Variants in PCSK2 observed in about 807,000 individuals in gnomAD.
PCSK2 encodes neuroendocrine convertase 2.
In PCSK2, 14 loss-of-function variants were observed where a neutral mutation model predicts 69.7. That is an observed-to-expected ratio of 0.20 (90% confidence interval 0.13 to 0.31). The LOEUF is 0.31. PCSK2 is among the 10% of genes least tolerant of loss of function. PCSK2 has a pLI of 1.00. For synonymous variants in PCSK2, 307 were observed against 320.7 expected (o/e 0.96, Z 0.46); for missense variants, 544 against 842.5 (o/e 0.65, Z 4.39).
intron 2 of PCSK2, among the ~76,000 whole-genome samples, chr20:17,277,024 C>T (rs1386013438): frequency 6.6e-6 from 1 of 151,974 alleles, no homozygotes; most frequent in Non-Finnish European, 1.5e-5. Context: ...ATGTGAAGGA[C>T]CTCTTCAAGG....
intron 10 of PCSK2, among the ~76,000 whole-genome samples, chr20:17,457,970 G>A (rs2032951028): frequency 6.6e-6 from 1 of 152,182 alleles, no homozygotes; most frequent in African/African-American, 2.4e-5. Flanking sequence ...TGAGGCTGCT[G>A]GACTCCTAGA....
intron 2 of PCSK2, among the ~76,000 whole-genome samples, chr20:17,292,706 C>A (rs887479851): frequency 6.6e-6 from 1 of 152,186 alleles, no homozygotes; most frequent in Non-Finnish European, 1.5e-5. Context: ...GTGGGTTCTT[C>A]AGCAGAATAT....
intron 6 of PCSK2, among the ~76,000 whole-genome samples, chr20:17,415,408 T>C (rs1345092845): frequency 3.3e-5 from 5 of 152,014 alleles, no homozygotes; most frequent in Non-Finnish European, 7.4e-5. Flanking sequence ...AAACAGAAAG[T>C]CAAATCATAA....
intron 3 of PCSK2, among the ~76,000 whole-genome samples, chr20:17,359,345 G>A (rs1023807845): frequency 6.6e-6 from 1 of 152,126 alleles, no homozygotes; most frequent in African/African-American, 2.4e-5. Flanking sequence ...AGTTAGGATA[G>A]GCTAGGTTTG....
intron 8 of PCSK2, among the ~76,000 whole-genome samples, chr20:17,445,620 T>C (rs934074612): frequency 6.6e-6 from 1 of 152,152 alleles, no homozygotes; most frequent in Admixed American, 6.5e-5. Flanking sequence ...TAATCAGGCA[T>C]GGGCGAGGGG....
chr20:17,447,310 A>G (rs1035694897), intron 8 of PCSK2, among the ~76,000 whole-genome samples: 1 of 151,866 alleles, frequency 6.6e-6, no homozygotes, highest in Non-Finnish European at 1.5e-5. Flanking sequence ...AAACATAGGC[A>G]AAGCATATTA....
At chr20:17,355,810 G>C (rs763573100) in intron 2 of PCSK2, among the ~76,000 whole-genome samples, 8 of 152,146 alleles carry the variant, frequency 5.3e-5, no homozygotes, top group Non-Finnish European at 1.2e-4. Flanking sequence ...ACTGCGAGCA[G>C]CAGGGGAACT....
At chr20:17,323,542 G>C (rs1989942752) in intron 2 of PCSK2, among the ~76,000 whole-genome samples, 1 of 152,174 alleles carries the variant, frequency 6.6e-6, no homozygotes, top group Non-Finnish European at 1.5e-5. Context: ...AGATTACAAA[G>C]CTATTAATGT....
In PCSK2 at chr20:17,260,233, T is replaced by G; in HGVS notation, c.178-7T>G. ...AACTATGCCTATGTCTACTTGACTCTCCACAGCTTCCCTTTGCTGAAGGTC... is the reference window on the plus strand; with the variant it reads ...AACTATGCCTATGTCTACTTGACTCGCCACAGCTTCCCTTTGCTGAAGGTC... On this transcript the variant is annotated splice_region_variant and splice_polypyrimidine_tract_variant and intron_variant, in intron 1 of 11. Coordinates refer to ENST00000262545, the MANE Select transcript of PCSK2 (RefSeq NM_002594.5). 1 of 1,595,590 alleles carries G rather than the reference T, an allele frequency of 6.3e-7. No homozygotes were observed. The highest frequency in any genetic ancestry group is 8.6e-7 in the Non-Finnish European group (1 of 1,163,104).
At chr20:17,310,432 A>G (rs1320556230) in intron 2 of PCSK2, among the ~76,000 whole-genome samples, 1 of 152,150 alleles carries the variant, frequency 6.6e-6, no homozygotes, top group Non-Finnish European at 1.5e-5. Flanking sequence ...CATTTAAAAG[A>G]GCTAATGAAA....
At chr20:17,248,215 T>TGTGTGTGTG (rs200658061) in intron 1 of PCSK2, among the ~76,000 whole-genome samples, 7 of 144,788 alleles carry the variant, frequency 4.8e-5, no homozygotes, top group African/African-American at 1.5e-4. Context: ...TGTGTGTGTG[T>TGTGTGTGTG]TTCAATGAAG....
chr20:17,452,250 T>C (rs1453221976), intron 8 of PCSK2, among the ~76,000 whole-genome samples: 3 of 576 alleles, frequency 5.2e-3, no homozygotes, highest in East Asian at 0.5. Context: ...CCACACCAAC[T>C]GTAGGGATAT....
At chr20:17,404,855 G>A (rs2031719015) in intron 5 of PCSK2, among the ~76,000 whole-genome samples, 1 of 152,180 alleles carries the variant, frequency 6.6e-6, no homozygotes, top group Non-Finnish European at 1.5e-5. Flanking sequence ...GCTTTGTGGG[G>A]TTTTGTCACA....
intron 5 of PCSK2, 31 bp from the exon 6 acceptor site, chr20:17,409,232 C>T (rs2859875): frequency 0.077 from 121,070 of 1,573,000 alleles, 6,450 homozygotes; most frequent in African/African-American, 0.24. Context: ...TCTGGCTGTA[C>T]GGACCTAATG....
intron 8 of PCSK2, among the ~76,000 whole-genome samples, chr20:17,448,140 A>G (rs2032735767): frequency 6.6e-6 from 1 of 152,242 alleles, no homozygotes; most frequent in Non-Finnish European, 1.5e-5. Flanking sequence ...GAAAATAAAA[A>G]TTACTATAAT....
intron 6 of PCSK2, among the ~76,000 whole-genome samples, chr20:17,427,205 G>A (rs1425760549): frequency 3.9e-5 from 6 of 152,074 alleles, no homozygotes; most frequent in Admixed American, 3.9e-4. Context: ...TCTCATAGTA[G>A]GTGCTGGTAA....
chr20:17,362,356 C>T (rs1448788798), intron 4 of PCSK2, among the ~76,000 whole-genome samples: 1 of 152,172 alleles, frequency 6.6e-6, no homozygotes, highest in Middle Eastern at 3.2e-3. Flanking sequence ...AACAAAGAAT[C>T]CCAACATTGA....
intron 2 of PCSK2, 96 bp from the exon 3 acceptor site, chr20:17,358,231 C>T: frequency 1.3e-6 from 1 of 743,742 alleles, no homozygotes; most frequent in Non-Finnish European, 2.4e-6. Context: ...AAAAATACAC[C>T]TGATATACAA....
chr20:17,291,017 T>C, intron 2 of PCSK2, among the ~76,000 whole-genome samples: 1 of 152,214 alleles, frequency 6.6e-6, no homozygotes, highest in South Asian at 2.1e-4. Context: ...CCTCTTAAAG[T>C]TCCCACCTCT....
Sources: allele counts gnomAD v4.1 joint callset (sites outside exome capture counted in the v4.1 genomes callset), GRCh38; gene constraint gnomAD v4.1.1; transcripts MANE v1.5; gene names NCBI Gene and HGNC (gene_info 2026-07-23, HGNC 2026-07-21).